CLASP2: variants seen among roughly 807,000 people sequenced by gnomAD.
The protein encoded by CLASP2 is CLIP-associating protein 2.
In CLASP2, 47 loss-of-function variants were observed where a neutral mutation model predicts 194.4. The observed-to-expected ratio is 0.24, with a 90% CI of 0.19 to 0.31. CLASP2 has a LOEUF of 0.31. Ranked by LOEUF, CLASP2 falls within the 10% of genes least tolerant of loss-of-function variation. CLASP2 has a pLI of 1.00. For synonymous variants in CLASP2, 619 were observed against 633.5 expected, an observed-to-expected ratio of 0.98 and a Z score of 0.34; for missense variants, 1,445 against 1,823.6, an observed-to-expected ratio of 0.79 and a Z score of 3.78.
chr3:33,570,702 A>T (rs780182186), intron 26 of CLASP2, 25 bp downstream of exon 26: 1 of 1,582,780 alleles, frequency 6.3e-7, no homozygotes, highest in Admixed American at 1.8e-5. Flanking sequence ...TATAGAAATA[A>T]ATAATCTTAA....
At chr3:33,619,210 G>T (rs907847808) in intron 12 of CLASP2, among the ~76,000 whole-genome samples, 2 of 152,112 alleles carry the variant, frequency 1.3e-5, no homozygotes, top group Non-Finnish European at 2.9e-5. Flanking sequence ...GACCACTGTT[G>T]TATATGCAGC....
intron 6 of CLASP2, among the ~76,000 whole-genome samples, chr3:33,664,308 C>T (rs2085809390): frequency 6.6e-6 from 1 of 151,760 alleles, no homozygotes; most frequent in East Asian, 1.9e-4. Flanking sequence ...TTTCTCTTTC[C>T]AATATATTGT....
chr3:33,660,526 AT>A (rs1351872096), intron 7 of CLASP2, among the ~76,000 whole-genome samples: 3 of 152,110 alleles, frequency 2.0e-5, no homozygotes, highest in Non-Finnish European at 2.9e-5. Flanking sequence ...TAGTAAAATG[AT>A]TTTTTTCATC....
chr3:33,610,096 A>G, intron 13 of CLASP2, among the ~76,000 whole-genome samples: 1 of 152,218 alleles, frequency 6.6e-6, no homozygotes. Context: ...AACACAGTTC[A>G]ACACAGTTCT....
intron 6 of CLASP2, 52 bp from the exon 7 acceptor site, chr3:33,663,567 TA>T (rs1318094753): frequency 7.9e-7 from 1 of 1,262,644 alleles, no homozygotes; most frequent in Non-Finnish European, 1.1e-6. Context: ...ACATATAGAT[TA>T]AATAGAAACA....
chr3:33,534,708 A>C (rs565942425), intron 34 of CLASP2, among the ~76,000 whole-genome samples: 1 of 152,332 alleles, frequency 6.6e-6, no homozygotes, highest in Non-Finnish European at 1.5e-5. Flanking sequence ...GAGACTCGGG[A>C]AAGTTAACCA....
At position 33,595,763 on chromosome 3, in the gene CLASP2, A is replaced by G. The variant is rs558006897; in HGVS notation, c.1949-795T>C. On this transcript the variant is annotated intron_variant, in intron 19 of 38. Coordinates refer to ENST00000682230, the MANE Select transcript of CLASP2 (RefSeq NM_001365631.1). ...CGTTTTTAAAGGATCCAGAATATCAATATTAGGATGTCTAAGGGGTTTGAT... is the reference window on the plus strand; with the variant it reads ...CGTTTTTAAAGGATCCAGAATATCAGTATTAGGATGTCTAAGGGGTTTGAT... Among the ~76,000 whole-genome samples, 4 of 152,172 alleles carry G rather than the reference A, an allele frequency of 2.6e-5. No individual in the cohort carries two copies. In the South Asian group the frequency reaches 8.3e-4, roughly 32 times the overall value.
chr3:33,564,226 T>C (rs917938246), intron 27 of CLASP2, among the ~76,000 whole-genome samples: 2 of 152,140 alleles, frequency 1.3e-5, no homozygotes, highest in African/African-American at 2.4e-5. Context: ...CAATAAAAAG[T>C]TTATCAATGA....
intron 36 of CLASP2, among the ~76,000 whole-genome samples, chr3:33,515,451 C>T (rs1046662322): frequency 1.3e-5 from 2 of 152,118 alleles, no homozygotes; most frequent in African/African-American, 4.8e-5. Flanking sequence ...ATAACAATGA[C>T]CTGCTTGGGC....
intron 6 of CLASP2, among the ~76,000 whole-genome samples, chr3:33,667,412 A>AAAAAAAAAAAAAAAAAAAAAAAAC (rs2086389736): frequency 6.7e-6 from 1 of 150,354 alleles, no homozygotes; most frequent in African/African-American, 2.5e-5. Context: ...ATCTCAAAAA[A>AAAAAAAAAAAAAAAAAAAAAAAAC]AAAAAAAAAA....
At chr3:33,552,601 T>TTGTGTACAAAACTTTA (rs1389082012) in intron 29 of CLASP2, among the ~76,000 whole-genome samples, 1 of 152,242 alleles carries the variant, frequency 6.6e-6, no homozygotes, top group East Asian at 1.9e-4. Context: ...TTTAAAGTTT[T>TTGTGTACAAAACTTTA]ATATATTTAA....
At chr3:33,665,173 T>G (rs1029344929) in intron 6 of CLASP2, among the ~76,000 whole-genome samples, 4 of 150,820 alleles carry the variant, frequency 2.7e-5, no homozygotes, top group Middle Eastern at 3.2e-3. Context: ...GAACAAGACA[T>G]GAAGGGGCAT....
chr3:33,717,746 G>A, intron 1 of CLASP2, 62 bp downstream of exon 1: 1 of 1,518,308 alleles, frequency 6.6e-7, no homozygotes, highest in Non-Finnish European at 8.9e-7. Flanking sequence ...CGGCGCTCGC[G>A]TCCGGGATTA....
chr3:33,717,889 G>A lies in CLASP2; in HGVS notation c.114C>T (p.Ile38=). The A allele has an allele frequency of 6.4e-7, 1 of 1,557,992 alleles. No individual in the cohort carries two copies. Among genetic ancestry groups the A allele is most frequent in the Non-Finnish European group, 8.7e-7 (1 of 1,151,572 alleles). The change falls in exon 1 of 39, where the codon ATC becomes ATT. Residue 38 remains isoleucine, a synonymous_variant. Transcript: ENST00000682230. ...LLLYLGAPGA[I]SDLEEDLGRL... is the part of the protein sequence containing the mutation. Reference sequence around the variant, plus strand: ...GGCCCAGGTCCTCCTCCAGGTCCGAGATGGCGCCGGGGGCGCCAAGGTAGA... The same window carrying A: ...GGCCCAGGTCCTCCTCCAGGTCCGAAATGGCGCCGGGGGCGCCAAGGTAGA...
chr3:33,543,978 A>T (rs1232382387), intron 31 of CLASP2, among the ~76,000 whole-genome samples: 1 of 152,180 alleles, frequency 6.6e-6, no homozygotes, highest in Non-Finnish European at 1.5e-5. Flanking sequence ...TTTTAAAAAG[A>T]TGACTGACTC....
chr3:33,522,789 G>A (rs1418897140), intron 34 of CLASP2, among the ~76,000 whole-genome samples: 1 of 152,224 alleles, frequency 6.6e-6, no homozygotes, highest in Non-Finnish European at 1.5e-5. Context: ...ATCCAATAGT[G>A]GCCGGGCGCA....
chr3:33,661,023 T>C (rs115329719), intron 7 of CLASP2, among the ~76,000 whole-genome samples: 2,731 of 152,274 alleles, frequency 0.018, 76 homozygotes, highest in African/African-American at 0.062. Flanking sequence ...CAGTATTCAA[T>C]TGATATATTT....
intron 30 of CLASP2, among the ~76,000 whole-genome samples, chr3:33,550,392 C>CAAAAAAAAAAA (rs555351261): frequency 1.9e-5 from 1 of 51,652 alleles, no homozygotes; most frequent in Non-Finnish European, 3.8e-5. Flanking sequence ...GAGACTGCCT[C>CAAAAAAAAAAA]AAAAAAAAAA....
rs1027731514 is a variant in CLASP2, at chr3:33,571,015, AT to A, written c.2700-226del. ...AGATGGCAAGATCCTGTCTCTATAA[AT>A]TTTTTTTTTTTTTTTTTGAGACGGA... On this transcript the variant is annotated intron_variant, in intron 25 of 38. Transcript: ENST00000682230. Among the ~76,000 whole-genome samples, 351 of 123,912 alleles carry A rather than the reference AT, an allele frequency of 2.8e-3. 8 individuals are homozygous for A. The highest frequency in any genetic ancestry group is 4.7e-3 in the Admixed American group (51 of 10,780). 81.3% of individuals were successfully genotyped at this position (123,912 alleles called of 152,430 possible). A position where few individuals can be genotyped will look rare whatever the true frequency, so the allele number is the denominator to read the frequency against.
Sources: allele counts gnomAD v4.1 joint callset (sites outside exome capture counted in the v4.1 genomes callset), GRCh38; gene constraint gnomAD v4.1.1; transcripts MANE v1.5; gene names NCBI Gene and HGNC (gene_info 2026-07-23, HGNC 2026-07-21).